C9orf85: variants seen among roughly 807,000 people sequenced by gnomAD.
The protein encoded by C9orf85 is chromosome 9 open reading frame 85, also known as uncharacterized protein C9orf85.
In C9orf85, 16 loss-of-function variants were observed where a neutral mutation model predicts 14.9. That is an observed-to-expected ratio of 1.08 (90% CI 0.73 to 1.63). The LOEUF (loss-of-function observed/expected upper bound fraction) is 1.63, where lower values mean the gene tolerates loss of function less well. Among genes scored for constraint, C9orf85 ranks in the 40% most tolerant of loss-of-function variants. The pLI is 0.00. For missense variants in C9orf85, 172 were observed against 186.1 expected, an observed-to-expected ratio of 0.92 and a Z score of 0.44; for synonymous variants, 45 against 56.8, an observed-to-expected ratio of 0.79 and a Z score of 0.93.
At chr9:71,915,957 T>C (rs1488101226) in intron 1 of C9orf85, among the ~76,000 whole-genome samples, 1 of 152,260 alleles carries the variant, frequency 6.6e-6, no homozygotes, top group Non-Finnish European at 1.5e-5. Flanking sequence ...TATTCCTGTC[T>C]GTATTCCACA....
chr9:71,942,833 A>G (rs954629655), intron 1 of C9orf85, among the ~76,000 whole-genome samples: 2 of 151,518 alleles, frequency 1.3e-5, no homozygotes, highest in Non-Finnish European at 2.9e-5. Flanking sequence ...AACCTGGGAG[A>G]CAGAGGTTGC....
At chr9:71,946,895 G>A in intron 1 of C9orf85, 111 bp from the exon 2 acceptor site, 1 of 620,736 alleles carries the variant, frequency 1.6e-6, no homozygotes, top group East Asian at 2.8e-5. Flanking sequence ...TTGTTATGCA[G>A]ATTAAGGTTC....
At chr9:71,927,288 A>G (rs1232759255) in intron 1 of C9orf85, among the ~76,000 whole-genome samples, 2 of 149,206 alleles carry the variant, frequency 1.3e-5, no homozygotes, top group Non-Finnish European at 3.0e-5. Flanking sequence ...AAAAAAAAGT[A>G]TACATTTAGG....
rs144570553 is a variant in C9orf85 at position 71,915,979 on chromosome 9, G to C, written c.102+4143G>C. ...GTCTGTATTCCACATGTGTTATCTG[G>C]TACCAAACATTGTGCTAGATATTGG... On this transcript the variant is annotated intron_variant, in intron 1 of 3. Coordinates refer to ENST00000334731, the MANE Select transcript of C9orf85 (RefSeq NM_182505.5). Among the ~76,000 whole-genome samples, 215 of 152,266 alleles carry C rather than the reference G, an allele frequency of 1.4e-3. 1 individual carries two copies. Among genetic ancestry groups the C allele is most frequent in the African/African-American group, 5.1e-3 (210 of 41,564 alleles).
chr9:71,965,435 C>T (rs1441367922), intron 2 of C9orf85, among the ~76,000 whole-genome samples: 1 of 148,004 alleles, frequency 6.8e-6, no homozygotes, highest in Non-Finnish European at 1.5e-5. Flanking sequence ...GTCAGTATGA[C>T]AAGGACATGT....
At chr9:71,986,052 AAAG>A (rs1168702303), downstream of C9orf85, 1 of 152,254 alleles carries the variant, frequency 6.6e-6, no homozygotes, top group African/African-American at 2.4e-5. Flanking sequence ...TTAGCAATAA[AAAG>A]AAATAAACTA....
intron 1 of C9orf85, among the ~76,000 whole-genome samples, chr9:71,929,484 C>T (rs1828018994): frequency 6.6e-6 from 1 of 152,138 alleles, no homozygotes; most frequent in Non-Finnish European, 1.5e-5. Flanking sequence ...CCATATTGCT[C>T]ACCATTTAGT....
At chr9:71,946,111 C>T (rs1183348087) in intron 1 of C9orf85, among the ~76,000 whole-genome samples, 1 of 152,144 alleles carries the variant, frequency 6.6e-6, no homozygotes, top group African/African-American at 2.4e-5. Flanking sequence ...CATACAAATA[C>T]ATATTATTTA....
At chr9:71,942,203 A>G (rs1171938086) in intron 1 of C9orf85, among the ~76,000 whole-genome samples, 2 of 152,222 alleles carry the variant, frequency 1.3e-5, no homozygotes, top group East Asian at 3.9e-4. Flanking sequence ...ACTGGCCTAC[A>G]TTGAGAACCA....
At chr9:71,963,438 G>C (rs1238649949) in intron 2 of C9orf85, among the ~76,000 whole-genome samples, 1 of 152,100 alleles carries the variant, frequency 6.6e-6, no homozygotes, top group East Asian at 1.9e-4. Context: ...CCACTTTGGC[G>C]GCACTTGAGG....
chr9:71,954,339 T>G (rs946040612), intron 2 of C9orf85, among the ~76,000 whole-genome samples: 7 of 150,734 alleles, frequency 4.6e-5, no homozygotes, highest in Admixed American at 4.0e-4. Context: ...GAAAATGAGA[T>G]GGGGGACTGA....
intron 1 of C9orf85, among the ~76,000 whole-genome samples, chr9:71,943,781 T>G (rs1304444731): frequency 2.6e-5 from 4 of 151,716 alleles, no homozygotes; most frequent in Admixed American, 1.3e-4. Context: ...TCTCAGGTGA[T>G]CTGCCTGCCT....
intron 1 of C9orf85, chr9:71,918,279 AT>A: frequency 7.6e-5 from 29 of 381,862 alleles, no homozygotes; most frequent in Non-Finnish European, 1.2e-4. Flanking sequence ...AGGAACACTA[AT>A]TATATTAGTG....
At chr9:71,967,617 T>C (rs924579331) in intron 2 of C9orf85, among the ~76,000 whole-genome samples, 6 of 152,158 alleles carry the variant, frequency 3.9e-5, no homozygotes, top group Non-Finnish European at 7.4e-5. Flanking sequence ...TCCAGTTCAT[T>C]TTAAAAAATA....
downstream of C9orf85, chr9:71,983,604 G>A (rs1000844666): frequency 2.6e-5 from 4 of 152,182 alleles, no homozygotes; most frequent in Non-Finnish European, 4.4e-5. Flanking sequence ...TGCCACGCCT[G>A]GGCACATACT....
chr9:71,911,942 G>T lies in C9orf85; in HGVS notation c.102+106G>T, dbSNP rs539604195. On this transcript the variant is annotated intron_variant, in intron 1 of 3. Coordinates refer to ENST00000334731, the MANE Select transcript of C9orf85 (RefSeq NM_182505.5). ...TCGGCTGGGGCGAGTGTGGACCGCA[G>T]CCCAGAGTTAGTCTTGGCTGCAGTG... The T allele has an allele frequency of 4.9e-5, 48 of 971,672 alleles. No individual in the cohort carries two copies. The Admixed American group carries it at 7.5e-4, about 15-fold the overall frequency. 60.2% of individuals were successfully genotyped at this position (971,672 alleles called of 1,614,324 possible).
chr9:71,952,468 A>C (rs916058498), intron 2 of C9orf85, among the ~76,000 whole-genome samples: 2 of 152,050 alleles, frequency 1.3e-5, no homozygotes, highest in East Asian at 1.9e-4. Context: ...GGGTTCACAC[A>C]ATTCTCCTGC....
chr9:71,958,200 T>G (rs1822426273), intron 2 of C9orf85, among the ~76,000 whole-genome samples: 1 of 148,202 alleles, frequency 6.7e-6, no homozygotes, highest in Non-Finnish European at 1.5e-5. Context: ...CCTAAGGAGG[T>G]AATTGAAGGT....
At chr9:71,964,383 C>G (rs112670206) in intron 2 of C9orf85, among the ~76,000 whole-genome samples, 7,216 of 152,106 alleles carry the variant, frequency 0.047, 217 homozygotes, top group Non-Finnish European at 0.071. Context: ...TGCAATAAAT[C>G]TTGCTGCTGC....
Sources: allele counts gnomAD v4.1 joint callset (sites outside exome capture counted in the v4.1 genomes callset), GRCh38; gene constraint gnomAD v4.1.1; transcripts MANE v1.5; gene names NCBI Gene and HGNC (gene_info 2026-07-23, HGNC 2026-07-21).